The following XAF1 variants were observed in gnomAD, a reference collection of about 807,000 sequenced individuals.
The protein encoded by XAF1 is XIAP associated factor 1.
In XAF1, 32 loss-of-function variants were observed where a neutral mutation model predicts 32.3. The observed-to-expected ratio is 0.99, with a 90% confidence interval of 0.75 to 1.33. XAF1 has a LOEUF of 1.33. XAF1 is among the 40% of genes most tolerant of loss of function. XAF1 has a pLI of 0.00. For synonymous variants in XAF1, 120 were observed against 125.9 expected, an observed-to-expected ratio of 0.95 and a Z score of 0.31; for missense variants, 379 against 366.0, an observed-to-expected ratio of 1.04 and a Z score of -0.29.
rs748336251 is a variant in XAF1 at position 6,770,619 on chromosome 17, T to G, written c.508-24T>G. The G allele has an allele frequency of 3.9e-6, 6 of 1,529,946 alleles. No homozygotes were observed. In the East Asian group the frequency reaches 1.1e-4, roughly 29 times the overall value. 94.8% of individuals were successfully genotyped at this position (1,529,946 alleles called of 1,614,324 possible). ...ATTAAAGCTGAAGTCATTTTAAAAT[T>G]TGATATATTATTCACAATTGCAGGG... On this transcript the variant is annotated intron_variant, in intron 5 of 6. Transcript: ENST00000361842.
intron 3 of XAF1, chr17:6,760,016 G>A: frequency 1.8e-6 from 1 of 544,242 alleles, no homozygotes; most frequent in Non-Finnish European, 3.3e-6. Flanking sequence ...TAATTCCCTA[G>A]GGAGATGGGC....
intron 5 of XAF1, among the ~76,000 whole-genome samples, chr17:6,768,719 TA>T (rs1460102006): frequency 6.6e-6 from 1 of 152,256 alleles, no homozygotes; most frequent in Admixed American, 6.5e-5. Context: ...TCTTCCAGCC[TA>T]ATTGCCATTC....
At chr17:6,756,786 C>A (rs1410310965) in intron 1 of XAF1, among the ~76,000 whole-genome samples, 1 of 152,118 alleles carries the variant, frequency 6.6e-6, no homozygotes, top group Non-Finnish European at 1.5e-5. Context: ...GAAGATGATG[C>A]TGCCTGTGTG....
intron 5 of XAF1, among the ~76,000 whole-genome samples, chr17:6,764,720 CT>C (rs1160998447): frequency 6.6e-6 from 1 of 151,940 alleles, no homozygotes; most frequent in Admixed American, 6.6e-5. Context: ...CATCTTGTTT[CT>C]TTGTTCCCCT....
At chr17:6,770,030 C>T (rs1177628903) in intron 5 of XAF1, among the ~76,000 whole-genome samples, 1 of 152,224 alleles carries the variant, frequency 6.6e-6, no homozygotes, top group Non-Finnish European at 1.5e-5. Flanking sequence ...GTGGATGGGA[C>T]TTTCCTGTCA....
At position 6,770,891 on chromosome 17, in the gene XAF1, C is replaced by A. The variant is rs768073226; in HGVS notation, c.756C>A (p.Ser252Arg). 17 of 1,614,180 alleles carry A rather than the reference C, an allele frequency of 1.1e-5. No homozygotes were observed. The East Asian group carries it at 3.8e-4, about 36-fold the overall frequency. Reference protein sequence around the residue: ...LLMSEPKPRTSSPRGDKAAYD... With the variant: ...LLMSEPKPRTRSPRGDKAAYD... ...TGTCAGAGCCCAAGCCCAGGACCAG[C>A]TCCCCTAGAGGAGATAAAGCAGCCT... Residue 252 changes from serine (S) to arginine (R), a missense_variant, in exon 6 of 7, where the codon AGC becomes AGA. Ser to Arg is a moderately radical substitution (Grantham distance 110, BLOSUM62 -1). Transcript: ENST00000361842.
At chr17:6,759,797 C>G (rs1200710497) in intron 3 of XAF1, 79 bp downstream of exon 3, 1 of 1,607,658 alleles carries the variant, frequency 6.2e-7, no homozygotes, top group African/African-American at 1.3e-5. Context: ...AACGGGAGGC[C>G]AGTAATAGAG....
chr17:6,757,937 C>A, intron 1 of XAF1, 152 bp from the exon 2 acceptor site: 2 of 1,047,706 alleles, frequency 1.9e-6, no homozygotes, highest in East Asian at 2.5e-5. Context: ...CTTTTGGACC[C>A]ACACAGGGAG....
At chr17:6,763,462 G>C (rs1975369603) in intron 5 of XAF1, among the ~76,000 whole-genome samples, 1 of 152,034 alleles carries the variant, frequency 6.6e-6, no homozygotes, top group African/African-American at 2.4e-5. Context: ...GGAGTAGCTG[G>C]GGCTACAGGT....
At chr17:6,756,963 T>G (rs1408959434) in intron 1 of XAF1, among the ~76,000 whole-genome samples, 1 of 151,274 alleles carries the variant, frequency 6.6e-6, no homozygotes, top group Non-Finnish European at 1.5e-5. Flanking sequence ...CTGATGGAAA[T>G]GAAAGGAGTC....
At chr17:6,768,560 T>C (rs1016904648) in intron 5 of XAF1, among the ~76,000 whole-genome samples, 3 of 152,234 alleles carry the variant, frequency 2.0e-5, no homozygotes, top group Non-Finnish European at 2.9e-5. Context: ...AGTAAATCTT[T>C]AGTTGCCTGA....
chr17:6,757,126 C>T (rs578167821), intron 1 of XAF1, among the ~76,000 whole-genome samples: 8 of 152,192 alleles, frequency 5.3e-5, no homozygotes, highest in East Asian at 1.9e-4. Flanking sequence ...CTCAGCCTCC[C>T]GAGTAGTTGG....
chr17:6,755,725 G>A (rs571025884), upstream of XAF1: 37 of 1,096,296 alleles, frequency 3.4e-5, no homozygotes, highest in Middle Eastern at 8.7e-4. Context: ...GAGGTGGATG[G>A]TTTGGAAAAG....
At chr17:6,760,347 C>CAAG in intron 3 of XAF1, 59 bp from the exon 4 acceptor site, 2 of 1,044,146 alleles carry the variant, frequency 1.9e-6, no homozygotes, top group Non-Finnish European at 2.5e-6. Context: ...GACTCTGTCT[C>CAAG]AAAAAAAAAA....
At chr17:6,755,894 G>T, upstream of XAF1, 1 of 1,422,682 alleles carries the variant, frequency 7.0e-7, no homozygotes, top group Non-Finnish European at 9.2e-7. Context: ...AGCAGGGGCT[G>T]GCCATGCTGT....
intron 6 of XAF1, among the ~76,000 whole-genome samples, chr17:6,772,375 C>A (rs184810625): frequency 1.3e-5 from 2 of 148,376 alleles, no homozygotes; most frequent in East Asian, 2.0e-4. Context: ...TTAGCAATTT[C>A]TTATATAACC....
chr17:6,763,883 C>T (rs73356254), intron 5 of XAF1, among the ~76,000 whole-genome samples: 6,321 of 152,276 alleles, frequency 0.042, 401 homozygotes, highest in African/African-American at 0.14. Flanking sequence ...CACCTACTGA[C>T]TTGTTTTCCT....
rs1974834080 is a variant in XAF1 at position 6,758,069 on chromosome 17, C to T, written c.33-20C>T. The T allele has an allele frequency of 6.2e-7, 1 of 1,613,852 alleles. No homozygotes were observed. Among genetic ancestry groups the T allele is most frequent in the African/African-American group, 1.3e-5 (1 of 74,880 alleles). ...ATGAAAATAAGTCTATTTTTCTATCCCCACACCTTGACCCTGTAGTAAAAG... is the reference window on the plus strand; with the variant it reads ...ATGAAAATAAGTCTATTTTTCTATCTCCACACCTTGACCCTGTAGTAAAAG... On this transcript the variant is annotated intron_variant, in intron 1 of 6. Coordinates refer to ENST00000361842, the MANE Select transcript of XAF1 (RefSeq NM_017523.5).
At chr17:6,760,016 G>T in intron 3 of XAF1, 1 of 544,242 alleles carries the variant, frequency 1.8e-6, no homozygotes, top group Non-Finnish European at 3.3e-6. Context: ...TAATTCCCTA[G>T]GGAGATGGGC....
Sources: allele counts gnomAD v4.1 joint callset (sites outside exome capture counted in the v4.1 genomes callset), GRCh38; gene constraint gnomAD v4.1.1; transcripts MANE v1.5; gene names NCBI Gene and HGNC (gene_info 2026-07-23, HGNC 2026-07-21).